Variants in GULP1 observed in about 807,000 individuals in gnomAD.
GULP1 encodes PTB domain-containing engulfment adapter protein 1.
Under a neutral mutation model 40.9 loss-of-function variants are expected in GULP1, and 19 were observed. The observed-to-expected ratio is 0.46, with a 90% CI of 0.32 to 0.68. The LOEUF is 0.68. Ranked by LOEUF, GULP1 falls within the 30% of genes least tolerant of loss-of-function variation. The pLI is 0.03. For missense variants in GULP1, 312 were observed against 362.2 expected (o/e 0.86, Z 1.12); for synonymous variants, 119 against 117.6 (o/e 1.01, Z -0.08).
intron 1 of GULP1, among the ~76,000 whole-genome samples, chr2:188,354,924 G>A (rs2045064682): frequency 1.3e-5 from 2 of 152,170 alleles, no homozygotes; most frequent in African/African-American, 2.4e-5. Flanking sequence ...CATGGAATTT[G>A]ACAACATGCT....
chr2:188,343,675 T>C (rs1348703554), intron 1 of GULP1, among the ~76,000 whole-genome samples: 2 of 152,210 alleles, frequency 1.3e-5, no homozygotes, highest in Non-Finnish European at 2.9e-5. Context: ...CTTTCTTATG[T>C]GACAAATACC....
intron 1 of GULP1, among the ~76,000 whole-genome samples, chr2:188,335,616 G>T (rs1407505465): frequency 6.6e-6 from 1 of 152,100 alleles, no homozygotes; most frequent in Admixed American, 6.6e-5. Flanking sequence ...TAAGTACCTT[G>T]AAGGCAAGGG....
At chr2:188,444,976 G>A (rs1399424835) in intron 2 of GULP1, among the ~76,000 whole-genome samples, 3 of 152,140 alleles carry the variant, frequency 2.0e-5, no homozygotes, top group Admixed American at 2.0e-4. Flanking sequence ...TCAACTGATT[G>A]TCACCTATTA....
At chr2:188,389,689 T>A (rs969187205) in intron 2 of GULP1, among the ~76,000 whole-genome samples, 7 of 152,180 alleles carry the variant, frequency 4.6e-5, no homozygotes, top group Non-Finnish European at 8.8e-5. Context: ...TGGTGAAGTC[T>A]GAGATTTTTG....
chr2:188,507,771 A>G (rs552978012), intron 4 of GULP1, among the ~76,000 whole-genome samples: 2 of 151,978 alleles, frequency 1.3e-5, no homozygotes, highest in African/African-American at 4.8e-5. Flanking sequence ...TACCATTCCT[A>G]TGTAACAATT....
intron 4 of GULP1, among the ~76,000 whole-genome samples, chr2:188,515,011 A>G (rs2065031435): frequency 6.6e-6 from 1 of 152,194 alleles, no homozygotes; most frequent in Admixed American, 6.5e-5. Flanking sequence ...TACAATGAAC[A>G]TCCGTGCAGG....
intron 6 of GULP1, among the ~76,000 whole-genome samples, chr2:188,531,418 A>G (rs1031190941): frequency 6.6e-6 from 1 of 152,222 alleles, no homozygotes; most frequent in African/African-American, 2.4e-5. Flanking sequence ...GTAAAGATCA[A>G]TGGCATACCT....
intron 2 of GULP1, among the ~76,000 whole-genome samples, chr2:188,420,869 G>T (rs533163903): frequency 6.6e-6 from 1 of 152,264 alleles, no homozygotes; most frequent in South Asian, 2.1e-4. Flanking sequence ...GTGGTAGCTC[G>T]GTTTTTAGGC....
At chr2:188,575,623 G>A (rs1700021777) in intron 9 of GULP1, among the ~76,000 whole-genome samples, 1 of 152,182 alleles carries the variant, frequency 6.6e-6, no homozygotes, top group African/African-American at 2.4e-5. Flanking sequence ...AAATGCAACA[G>A]GCTGAAAACA....
intron 2 of GULP1, among the ~76,000 whole-genome samples, chr2:188,405,404 C>G (rs1247641535): frequency 1.3e-5 from 2 of 152,198 alleles, no homozygotes; most frequent in African/African-American, 4.8e-5. Context: ...CACACCTGCT[C>G]CAGCACACCC....
chr2:188,548,399 A>G (rs1368264198), intron 7 of GULP1, among the ~76,000 whole-genome samples: 1 of 152,100 alleles, frequency 6.6e-6, no homozygotes, highest in African/African-American at 2.4e-5. Context: ...CTAAACTAAG[A>G]AGTGAAATTT....
intron 1 of GULP1, among the ~76,000 whole-genome samples, chr2:188,316,555 A>T (rs1442215780): frequency 6.6e-6 from 1 of 151,930 alleles, no homozygotes; most frequent in African/African-American, 2.4e-5. Flanking sequence ...CTCACTGTTC[A>T]CACAGCGCCC....
At chr2:188,590,578 A>G (rs958030009) in intron 11 of GULP1, 1 of 152,190 alleles carries the variant, frequency 6.6e-6, no homozygotes, top group Non-Finnish European at 1.5e-5. Flanking sequence ...TCACAGAAAC[A>G]TCTCATGCAT....
intron 2 of GULP1, among the ~76,000 whole-genome samples, chr2:188,409,526 T>A (rs1262373445): frequency 6.6e-6 from 1 of 152,090 alleles, no homozygotes; most frequent in Admixed American, 6.5e-5. Flanking sequence ...CTACCAAACA[T>A]TTAGATAAGA....
chr2:188,356,990 A>G (rs1574680665), intron 1 of GULP1, among the ~76,000 whole-genome samples: 1 of 152,296 alleles, frequency 6.6e-6, no homozygotes. Flanking sequence ...TCATGCTGGG[A>G]AAACAGGATA....
At chr2:188,517,795 T>G (rs530194646) in intron 4 of GULP1, among the ~76,000 whole-genome samples, 20 of 152,156 alleles carry the variant, frequency 1.3e-4, no homozygotes, top group South Asian at 6.2e-4. Context: ...GGAGCCAGGC[T>G]GAGAAAAGAG....
chr2:188,570,937 C>G (rs7596474), intron 9 of GULP1, among the ~76,000 whole-genome samples: 4,600 of 152,150 alleles, frequency 0.03, 253 homozygotes, highest in African/African-American at 0.1. Context: ...GCAGGCAGAT[C>G]ATTTGAGCCC....
rs180783309 is a variant in GULP1, at chr2:188,452,834, G to T, written c.-44-24825G>T. On this transcript the variant is annotated intron_variant, in intron 2 of 11. Coordinates refer to ENST00000409830, the MANE Select transcript of GULP1 (RefSeq NM_016315.4). Reference sequence around the variant, plus strand: ...GAATATTTTATTAATACAATAATAGGGTATATTTCAAAAGTAGTAAATCAT... The same window carrying T: ...GAATATTTTATTAATACAATAATAGTGTATATTTCAAAAGTAGTAAATCAT... 6.6e-5 allele frequency among the ~76,000 whole-genome samples: 10 copies of T among 151,978 alleles called. No individual in the cohort carries two copies. In the East Asian group the frequency reaches 1.9e-3, roughly 29 times the overall value.
At chr2:188,480,552 A>G (rs2061366788) in intron 3 of GULP1, among the ~76,000 whole-genome samples, 3 of 152,060 alleles carry the variant, frequency 2.0e-5, no homozygotes, top group Admixed American at 6.6e-5. Context: ...TGTTAGAGTT[A>G]CTCAGAGATT....
Sources: allele counts gnomAD v4.1 joint callset (sites outside exome capture counted in the v4.1 genomes callset), GRCh38; gene constraint gnomAD v4.1.1; transcripts MANE v1.5; gene names NCBI Gene and HGNC (gene_info 2026-07-23, HGNC 2026-07-21).